SPRED1: variants seen among roughly 807,000 people sequenced by gnomAD.
SPRED1 encodes the protein sprouty related EVH1 domain containing 1.
A neutral mutation model predicts 52.3 loss-of-function variants in SPRED1; 18 were observed. The observed-to-expected ratio is 0.34, with a 90% CI of 0.24 to 0.51. SPRED1 has a LOEUF of 0.51. Ranked by LOEUF, SPRED1 falls within the 20% of genes least tolerant of loss-of-function variation. The probability of loss-of-function intolerance (pLI) is 0.97; values close to 1 mark genes in which losing one functional copy is unlikely to be tolerated. For synonymous variants in SPRED1, 155 were observed against 179.7 expected, an observed-to-expected ratio of 0.86 and a Z score of 1.10; for missense variants, 485 against 551.0, an observed-to-expected ratio of 0.88 and a Z score of 1.20.
intron 4 of SPRED1, among the ~76,000 whole-genome samples, chr15:38,335,576 A>G (rs1049149711): frequency 6.6e-6 from 1 of 152,072 alleles, no homozygotes; most frequent in African/African-American, 2.4e-5. Flanking sequence ...TAATTATTTC[A>G]GATGAAGAGG....
chr15:38,291,568 A>G (rs868251216), intron 1 of SPRED1, among the ~76,000 whole-genome samples: 1 of 152,196 alleles, frequency 6.6e-6, no homozygotes, highest in Non-Finnish European at 1.5e-5. Context: ...GTGTTTCCAT[A>G]TATCTTCTGA....
intron 4 of SPRED1, among the ~76,000 whole-genome samples, chr15:38,339,370 A>AT (rs1409135071): frequency 6.6e-6 from 1 of 152,156 alleles, no homozygotes; most frequent in Non-Finnish European, 1.5e-5. Flanking sequence ...AAAATAAAAC[A>AT]TAGATTTGTG....
chr15:38,282,337 ACACACATG>A (rs764009815), intron 1 of SPRED1, among the ~76,000 whole-genome samples: 880 of 52,134 alleles, frequency 0.017, 7 homozygotes, highest in African/African-American at 0.028. Context: ...ACACACACAC[ACACACATG>A]CACACACACA....
At position 38,351,213 on chromosome 15, in the gene SPRED1, C is replaced by A; in HGVS notation, c.884C>A (p.Ser295Tyr). 2 of 1,614,122 alleles carry A rather than the reference C, an allele frequency of 1.2e-6. No individual in the cohort carries two copies. Among genetic ancestry groups the A allele is most frequent in the Non-Finnish European group, 1.7e-6 (2 of 1,180,024 alleles). The change falls in exon 7 of 7, where the codon TCT (serine) becomes TAT (tyrosine). Residue 295 changes from serine to tyrosine, a missense_variant. Around this residue, in one of 5 missense-constraint regions of SPRED1, gnomAD observed 205 missense variants for 245.2 expected, o/e 0.84. Coordinates refer to ENST00000299084, the MANE Select transcript of SPRED1 (RefSeq NM_152594.3). ...PDSKKSDYLY[S>Y]CGDETKLSSP... ...AGTAAAAAATCAGACTATCTGTACT[C>A]TTGTGGGGATGAGACTAAGTTAAGT...
intron 1 of SPRED1, among the ~76,000 whole-genome samples, chr15:38,292,405 A>C (rs1348237659): frequency 1.3e-5 from 2 of 152,082 alleles, no homozygotes; most frequent in African/African-American, 4.8e-5. Context: ...ACCCCACTCT[A>C]CTGGTACCAA....
At chr15:38,334,084 G>C (rs1012308509) in intron 4 of SPRED1, among the ~76,000 whole-genome samples, 6 of 151,876 alleles carry the variant, frequency 4.0e-5, no homozygotes, top group African/African-American at 1.5e-4. Context: ...AGCTATCATT[G>C]GTACACAGAG....
chr15:38,280,915 T>C (rs956808409), intron 1 of SPRED1, among the ~76,000 whole-genome samples: 3 of 152,258 alleles, frequency 2.0e-5, no homozygotes, highest in African/African-American at 7.2e-5. Context: ...TCTCAAAGGT[T>C]ATTATTTATT....
At chr15:38,254,614 A>G (rs1197699829) in intron 1 of SPRED1, among the ~76,000 whole-genome samples, 1 of 151,876 alleles carries the variant, frequency 6.6e-6, no homozygotes, top group Non-Finnish European at 1.5e-5. Context: ...TGAGTTCAGA[A>G]GGTAAGAAGA....
chr15:38,271,402 T>C (rs1374583816), intron 1 of SPRED1, among the ~76,000 whole-genome samples: 1 of 152,212 alleles, frequency 6.6e-6, no homozygotes, highest in Non-Finnish European at 1.5e-5. Flanking sequence ...AGTAGTCACA[T>C]TTAGTCCATC....
At chr15:38,270,188 T>A (rs1034883933) in intron 1 of SPRED1, among the ~76,000 whole-genome samples, 2 of 152,218 alleles carry the variant, frequency 1.3e-5, no homozygotes, top group East Asian at 3.8e-4. Flanking sequence ...ATTACAGGCA[T>A]GAGCCACCAT....
intron 5 of SPRED1, 54 bp downstream of exon 5, chr15:38,339,949 T>G (rs372086721): frequency 1.2e-6 from 2 of 1,606,182 alleles, no homozygotes; most frequent in African/African-American, 2.7e-5. Context: ...AGAAATTGAA[T>G]GATGTCATAG....
At chr15:38,332,384 A>G (rs1022627293) in intron 4 of SPRED1, among the ~76,000 whole-genome samples, 8 of 152,094 alleles carry the variant, frequency 5.3e-5, no homozygotes, top group African/African-American at 1.9e-4. Flanking sequence ...AACCAGCCTG[A>G]GCAACATAGT....
At chr15:38,320,159 A>C (rs74895968) in intron 2 of SPRED1, among the ~76,000 whole-genome samples, 8,403 of 152,292 alleles carry the variant, frequency 0.055, 322 homozygotes, top group Middle Eastern at 0.088. Flanking sequence ...AGCTTTTAAC[A>C]ATGGCTTCCA....
chr15:38,324,747 T>G lies in SPRED1; in HGVS notation c.377-16T>G. 1 of 1,590,854 alleles carries G rather than the reference T, an allele frequency of 6.3e-7. No individual in the cohort carries two copies. Among genetic ancestry groups the G allele is most frequent in the Non-Finnish European group, 8.6e-7 (1 of 1,166,972 alleles). On this transcript the variant is annotated splice_polypyrimidine_tract_variant and intron_variant, in intron 3 of 6. Transcript: ENST00000299084. ...CAAAAATTCTATACTTAATTAACTTTTATCTATTTTCTTAGGATGCCCCGA... is the reference window on the plus strand; with the variant it reads ...CAAAAATTCTATACTTAATTAACTTGTATCTATTTTCTTAGGATGCCCCGA...
chr15:38,263,128 C>A (rs551914888), intron 1 of SPRED1, among the ~76,000 whole-genome samples: 1 of 152,040 alleles, frequency 6.6e-6, no homozygotes, highest in Non-Finnish European at 1.5e-5. Context: ...AAATGTCCAA[C>A]GATTATTTGA....
intron 3 of SPRED1, among the ~76,000 whole-genome samples, chr15:38,323,139 C>T (rs538528199): frequency 3.9e-5 from 6 of 152,020 alleles, no homozygotes; most frequent in African/African-American, 9.6e-5. Context: ...TGCTAGACTA[C>T]GTTGTGATTT....
In SPRED1 at chr15:38,316,760, T is replaced by TTG. The variant is rs1566865553; in HGVS notation, c.208-5480_208-5479insGT. Among the ~76,000 whole-genome samples, 91 of 118,562 alleles carry TTG rather than the reference T, an allele frequency of 7.7e-4. 2 individuals are homozygous for TTG. Among genetic ancestry groups the TTG allele is most frequent in the Middle Eastern group, 0.01 (2 of 198 alleles). The allele number at this position is 118,562 out of a possible 152,430, so 77.8% of individuals were successfully genotyped here. A position where few individuals can be genotyped will look rare whatever the true frequency, so the allele number is the denominator to read the frequency against. On this transcript the variant is annotated intron_variant, in intron 2 of 6. Coordinates refer to ENST00000299084, the MANE Select transcript of SPRED1 (RefSeq NM_152594.3). ...TTTTCCATTATATGTTTTTTTTTTTTTTTTTTTTTTTTGGTTAATGTCTTT... is the reference window on the plus strand; with the variant it reads ...TTTTCCATTATATGTTTTTTTTTTTTTGTTTTTTTTTTTTGGTTAATGTCTTT...
rs75677773 is a variant in SPRED1 at position 38,333,259 on chromosome 15, G to C, written c.424-6478G>C. On this transcript the variant is annotated intron_variant, in intron 4 of 6. Coordinates refer to ENST00000299084, the MANE Select transcript of SPRED1 (RefSeq NM_152594.3). ...ACAAAGACTTTTTGATGAGTTTGTAGCTGAGGTTAAGCATAAAACAGTTTT... is the reference window on the plus strand; with the variant it reads ...ACAAAGACTTTTTGATGAGTTTGTACCTGAGGTTAAGCATAAAACAGTTTT... 3.8e-3 allele frequency among the ~76,000 whole-genome samples: 576 copies of C among 152,250 alleles called. 3 individuals are homozygous for C. Among genetic ancestry groups the C allele is most frequent in the Non-Finnish European group, 6.3e-3 (429 of 68,008 alleles).
chr15:38,294,502 G>A (rs1242864674), intron 1 of SPRED1, among the ~76,000 whole-genome samples: 2 of 152,038 alleles, frequency 1.3e-5, no homozygotes, highest in Non-Finnish European at 2.9e-5. Flanking sequence ...CATAAACTTA[G>A]TGACTTAAAA....
Sources: gnomAD v4.1 joint callset for allele counts (sites outside exome capture counted in the v4.1 genomes callset) on GRCh38, gnomAD v4.1.1 for gene constraint, gnomAD v4.1.1 regional missense constraint, MANE v1.5 for transcripts, NCBI Gene and HGNC (gene_info 2026-07-23, HGNC 2026-07-21) for gene names.